Variants in TTC27 observed in about 807,000 individuals in gnomAD.
TTC27 encodes the protein tetratricopeptide repeat protein 27.
TTC27 carries 79 observed loss-of-function variants against 115.9 expected under a neutral mutation model. That is an observed-to-expected ratio of 0.68 (90% CI 0.57 to 0.82). The LOEUF is 0.82. TTC27 is among the 40% of genes least tolerant of loss of function. The pLI is 0.00. For missense variants in TTC27, 1,054 were observed against 993.1 expected (o/e 1.06, Z -0.82); for synonymous variants, 401 against 356.0 (o/e 1.13, Z -1.42).
intron 16 of TTC27, among the ~76,000 whole-genome samples, chr2:32,801,652 G>A (rs994936578): frequency 6.6e-5 from 10 of 152,210 alleles, no homozygotes; most frequent in Admixed American, 5.9e-4. Context: ...AGTTGTAGCA[G>A]TAGCATTGAG....
chr2:32,640,123 A>T, intron 3 of TTC27, 147 bp from the exon 4 acceptor site: 1 of 726,002 alleles, frequency 1.4e-6, no homozygotes, highest in East Asian at 2.7e-5. Context: ...CAGTGTTATA[A>T]TTCTGTCCAG....
intron 2 of TTC27, 128 bp from the exon 3 acceptor site, chr2:32,633,748 A>T: frequency 1.8e-6 from 2 of 1,081,088 alleles, no homozygotes; most frequent in African/African-American, 1.6e-5. Flanking sequence ...TTTTGGTAAT[A>T]CTCTAGGATA....
intron 8 of TTC27, among the ~76,000 whole-genome samples, chr2:32,673,067 C>G (rs1285714779): frequency 6.6e-6 from 1 of 152,004 alleles, no homozygotes; most frequent in Non-Finnish European, 1.5e-5. Context: ...ATTTAGTTTT[C>G]TTGTCTCTTT....
Position 32,633,604 on chromosome 2 carries a change from A to G in TTC27, c.267-272A>G, listed in dbSNP as rs528817703. Reference sequence around the variant, plus strand: ...TTTTTTGTAGAGACAGGGTCTCACTATGTTTCTCAGGCTGGTTTTGAACTC... The same window carrying G: ...TTTTTTGTAGAGACAGGGTCTCACTGTGTTTCTCAGGCTGGTTTTGAACTC... On this transcript the variant is annotated intron_variant, in intron 2 of 19. Transcript: ENST00000317907. Among the ~76,000 whole-genome samples the G allele has an allele frequency of 4.6e-5, 7 of 152,142 alleles. No individual in the cohort carries two copies. The South Asian group carries it at 1.2e-3, about 27-fold the overall frequency.
At chr2:32,788,382 C>T (rs1384975674) in intron 16 of TTC27, among the ~76,000 whole-genome samples, 1 of 146,536 alleles carries the variant, frequency 6.8e-6, no homozygotes, top group Non-Finnish European at 1.5e-5. Context: ...TTAGTTTACA[C>T]ACCAAGTCAG....
rs59582696 is a variant in TTC27, at chr2:32,650,680, T to C, written c.640+447T>C. On this transcript the variant is annotated intron_variant, in intron 5 of 19. Coordinates refer to ENST00000317907, the MANE Select transcript of TTC27 (RefSeq NM_017735.5). ...AATAAGAAATTATCCTATATCCTAT[T>C]GAGTACATCAAGAAAAGCGTAAGAA... Among the ~76,000 whole-genome samples the C allele has an allele frequency of 4.6e-3, 693 of 152,236 alleles. 4 individuals carry two copies. The highest frequency in any genetic ancestry group is 0.015 in the African/African-American group (638 of 41,542).
chr2:32,762,866 T>C (rs968941216), intron 13 of TTC27, among the ~76,000 whole-genome samples: 2 of 152,152 alleles, frequency 1.3e-5, no homozygotes, highest in African/African-American at 4.8e-5. Context: ...GGTCTTGAAC[T>C]CCTGACCTTG....
chr2:32,661,620 A>T (rs1665551002), intron 5 of TTC27, among the ~76,000 whole-genome samples: 1 of 152,178 alleles, frequency 6.6e-6, no homozygotes, highest in Admixed American at 6.5e-5. Context: ...TTGATTTTGT[A>T]TCCTGAGACT....
At chr2:32,786,168 C>T (rs1472126248) in intron 15 of TTC27, among the ~76,000 whole-genome samples, 1 of 151,934 alleles carries the variant, frequency 6.6e-6, no homozygotes, top group Admixed American at 6.6e-5. Flanking sequence ...GTTGCCCAGG[C>T]TGGAGTGCAG....
chr2:32,694,598 C>T (rs902784016), intron 9 of TTC27, among the ~76,000 whole-genome samples: 1 of 150,888 alleles, frequency 6.6e-6, no homozygotes, highest in Non-Finnish European at 1.5e-5. Flanking sequence ...TTACTTTGGG[C>T]ATAATTATAT....
intron 9 of TTC27, among the ~76,000 whole-genome samples, chr2:32,686,442 G>A (rs1037783512): frequency 3.3e-5 from 5 of 150,896 alleles, no homozygotes; most frequent in East Asian, 2.0e-4. Flanking sequence ...CTTAGCTTAC[G>A]TCTGTCTCCT....
At chr2:32,769,318 C>T (rs1669748251) in intron 13 of TTC27, among the ~76,000 whole-genome samples, 1 of 152,176 alleles carries the variant, frequency 6.6e-6, no homozygotes, top group Admixed American at 6.5e-5. Context: ...TGATAAAGTG[C>T]AGAGGGCTAT....
At chr2:32,764,038 C>G (rs935810036) in intron 13 of TTC27, among the ~76,000 whole-genome samples, 3 of 152,204 alleles carry the variant, frequency 2.0e-5, no homozygotes, top group Non-Finnish European at 4.4e-5. Context: ...ACTCAGCTAT[C>G]AAGCCAGTAC....
chr2:32,680,426 A>T (rs913686487), intron 9 of TTC27, among the ~76,000 whole-genome samples: 1 of 152,178 alleles, frequency 6.6e-6, no homozygotes, highest in Admixed American at 6.5e-5. Context: ...GAGTAGACAA[A>T]GAGAGAACCA....
chr2:32,672,091 A>G (rs1666034221), intron 7 of TTC27, among the ~76,000 whole-genome samples, 181 bp from the exon 8 acceptor site: 1 of 152,216 alleles, frequency 6.6e-6, no homozygotes, highest in Non-Finnish European at 1.5e-5. Context: ...TATAGATGGC[A>G]CATCTTTCAT....
At chr2:32,731,371 G>A (rs775598641) in intron 10 of TTC27, among the ~76,000 whole-genome samples, 1 of 152,080 alleles carries the variant, frequency 6.6e-6, no homozygotes, top group Non-Finnish European at 1.5e-5. Context: ...GAGCCACTGT[G>A]CCTGGCCCCT....
At chr2:32,670,112 G>C (rs1347743900) in intron 7 of TTC27, among the ~76,000 whole-genome samples, 1 of 151,414 alleles carries the variant, frequency 6.6e-6, no homozygotes, top group African/African-American at 2.4e-5. Context: ...TTCTGACGTC[G>C]GGTGATCCGC....
At chr2:32,786,041 C>G (rs911261468) in intron 15 of TTC27, among the ~76,000 whole-genome samples, 1 of 152,010 alleles carries the variant, frequency 6.6e-6, no homozygotes, top group African/African-American at 2.4e-5. Context: ...TTTCAGTATT[C>G]TAAACAAGTT....
intron 16 of TTC27, among the ~76,000 whole-genome samples, chr2:32,805,530 G>T (rs1305606909): frequency 1.3e-5 from 2 of 152,358 alleles, no homozygotes; most frequent in East Asian, 3.9e-4. Context: ...GGTAGGTCAC[G>T]TGCTTAGCAC....
Sources: allele counts gnomAD v4.1 joint callset (sites outside exome capture counted in the v4.1 genomes callset), GRCh38; gene constraint gnomAD v4.1.1; transcripts MANE v1.5; gene names NCBI Gene and HGNC (gene_info 2026-07-23, HGNC 2026-07-21).